SPATA31H1: variants seen among roughly 807,000 people sequenced by gnomAD.
SPATA31H1 encodes the protein SPATA31 subfamily H member 1.
chr2:27,546,362 C>T, the SPATA31H1 span, among the ~76,000 whole-genome samples: 10 of 151,950 alleles, frequency 6.6e-5, 1 homozygote, highest in Admixed American at 4.6e-4. Context: ...TCTCAAATTA[C>T]TTTTTGTGTA....
chr2:27,573,549 C>T, the SPATA31H1 span: 1 of 398,356 alleles, frequency 2.5e-6, no homozygotes, highest in African/African-American at 2.1e-5. Flanking sequence ...AGGGCTCAAA[C>T]CTATTGCTTT....
chr2:27,576,664 C>T, the SPATA31H1 span: 1 of 1,613,770 alleles, frequency 6.2e-7, no homozygotes, highest in South Asian at 1.1e-5. Context: ...ATGTTGGTAC[C>T]AGAGCCAACT....
At chr2:27,545,027 T>A in the SPATA31H1 span, among the ~76,000 whole-genome samples, 9,138 of 45,702 alleles carry the variant, frequency 0.2, 1,028 homozygotes, top group African/African-American at 0.41. Context: ...AAAGTCAAAT[T>A]TTTTTTTTTT....
chr2:27,551,819 T>TAG, the SPATA31H1 span, among the ~76,000 whole-genome samples: 1 of 151,968 alleles, frequency 6.6e-6, no homozygotes, highest in African/African-American at 2.4e-5. Context: ...AAGCAACATC[T>TAG]AGACTAGCTT....
the SPATA31H1 span, chr2:27,566,409 G>A: frequency 9.6e-5 from 69 of 716,146 alleles, no homozygotes; most frequent in Non-Finnish European, 1.5e-4. Context: ...TTTCTGGGTG[G>A]GGATTGAAGG....
chr2:27,544,087 C>T, the SPATA31H1 span, among the ~76,000 whole-genome samples: 3 of 151,902 alleles, frequency 2.0e-5, no homozygotes, highest in South Asian at 4.1e-4. Flanking sequence ...CAGAAAGATG[C>T]CGCAATAAAA....
chr2:27,573,826 C>T, the SPATA31H1 span: 1 of 398,446 alleles, frequency 2.5e-6, no homozygotes, highest in East Asian at 3.6e-5. Context: ...CAAGAGCTAC[C>T]ATTACAAAGT....
the SPATA31H1 span, among the ~76,000 whole-genome samples, chr2:27,560,391 C>G: frequency 2.6e-5 from 4 of 151,654 alleles, no homozygotes; most frequent in African/African-American, 9.7e-5. Context: ...TCAATAGCAT[C>G]TTAAATTTAA....
chr2:27,582,138 C>T, the SPATA31H1 span: 1 of 1,613,844 alleles, frequency 6.2e-7, no homozygotes, highest in Admixed American at 1.7e-5. Flanking sequence ...CCACCTCAGT[C>T]CCTTGGAAAG....
the SPATA31H1 span, chr2:27,578,668 A>G: frequency 3.7e-6 from 6 of 1,614,172 alleles, no homozygotes; most frequent in Middle Eastern, 1.6e-4. Flanking sequence ...AAAGTTATGG[A>G]AACTGAGGAT....
At chr2:27,580,270 G>A in the SPATA31H1 span, 1 of 1,614,134 alleles carries the variant, frequency 6.2e-7, no homozygotes, top group South Asian at 1.1e-5. Flanking sequence ...GTCTACATCA[G>A]GCGAGGACAA....
At chr2:27,566,935 C>G in the SPATA31H1 span, 1 of 717,544 alleles carries the variant, frequency 1.4e-6, no homozygotes. Context: ...TCTGAAGGAA[C>G]AACTTGGGAA....
chr2:27,560,108 C>T, the SPATA31H1 span, among the ~76,000 whole-genome samples: 6 of 152,186 alleles, frequency 3.9e-5, no homozygotes, highest in East Asian at 3.9e-4. Context: ...CCTCATCATC[C>T]GCCCACCTCA....
chr2:27,582,658 C>CG, the SPATA31H1 span: 154 of 896,274 alleles, frequency 1.7e-4, no homozygotes, highest in African/African-American at 3.4e-4. Context: ...TTCTCTCTAC[C>CG]GGGGGGGAGG....
chr2:27,581,690 T>C, the SPATA31H1 span: 4 of 1,609,456 alleles, frequency 2.5e-6, no homozygotes, highest in Non-Finnish European at 3.4e-6. Context: ...GTGGTCCCTC[T>C]GAGAGAAGAC....
the SPATA31H1 span, chr2:27,577,200 A>G: frequency 6.2e-7 from 1 of 1,613,944 alleles, no homozygotes; most frequent in Non-Finnish European, 8.5e-7. The surrounding 1 kb of genome is among the most constrained non-coding windows in gnomAD (Gnocchi z 4.5). Flanking sequence ...TGTTGATCTG[A>G]CTCCAATGGT....
the SPATA31H1 span, among the ~76,000 whole-genome samples, chr2:27,538,045 G>A: frequency 6.6e-6 from 1 of 152,084 alleles, no homozygotes; most frequent in Non-Finnish European, 1.5e-5. Context: ...GGAAAGGGAA[G>A]CGTATTGGAT....
the SPATA31H1 span, among the ~76,000 whole-genome samples, chr2:27,551,325 C>T: frequency 6.6e-6 from 1 of 151,986 alleles, no homozygotes; most frequent in Non-Finnish European, 1.5e-5. Flanking sequence ...TCAAGGTTAT[C>T]CCTGCCTCCT....
At chr2:27,570,881 T>G in the SPATA31H1 span, 1 of 398,846 alleles carries the variant, frequency 2.5e-6, no homozygotes, top group East Asian at 3.6e-5. Flanking sequence ...AAATGCCAGA[T>G]GCAGAATCCA....
Sources: gnomAD v4.1 joint callset for allele counts (sites outside exome capture counted in the v4.1 genomes callset) on GRCh38, gnomAD v4.1.1 for gene constraint, Gnocchi (gnomAD v3.1) non-coding constraint, MANE v1.5 for transcripts, NCBI Gene and HGNC (gene_info 2026-07-23, HGNC 2026-07-21) for gene names.